Variants in WDFY4 observed in about 807,000 individuals in gnomAD.
WDFY4 encodes the protein WD repeat- and FYVE domain-containing protein 4.
A neutral mutation model predicts 351.9 loss-of-function variants in WDFY4; 169 were observed. That is an observed-to-expected ratio of 0.48 (90% CI 0.42 to 0.55). WDFY4 has a LOEUF of 0.55. Among genes scored for constraint, WDFY4 ranks in the 20% least tolerant of loss-of-function variants. The pLI is 0.00. For missense variants in WDFY4, 3,803 were observed against 3,935.6 expected, an observed-to-expected ratio of 0.97 and a Z score of 0.90; for synonymous variants, 1,622 against 1,574.6, an observed-to-expected ratio of 1.03 and a Z score of -0.71.
intron 20 of WDFY4, among the ~76,000 whole-genome samples, chr10:48,787,888 CTTCTCCTTCTTCTTCTTCTTCT>C (rs1565198315): frequency 1.4e-5 from 1 of 73,572 alleles, no homozygotes; most frequent in Non-Finnish European, 2.3e-5. Flanking sequence ...CTTTCTTCTT[CTTCTCCTTCTTCTTCTTCTTCT>C]TCTTCTTCTT....
intron 39 of WDFY4, among the ~76,000 whole-genome samples, chr10:48,842,491 C>T (rs1048927906): frequency 1.2e-4 from 19 of 152,230 alleles, no homozygotes; most frequent in Non-Finnish European, 1.9e-4. Context: ...CAGAGGAGGA[C>T]GCCTTGTTCT....
At chr10:48,939,772 G>A (rs1325198838) in intron 47 of WDFY4, among the ~76,000 whole-genome samples, 1 of 152,188 alleles carries the variant, frequency 6.6e-6, no homozygotes, top group East Asian at 1.9e-4. Context: ...TGGAACTGCT[G>A]GTAATGGCGT....
intron 13 of WDFY4, among the ~76,000 whole-genome samples, chr10:48,761,885 G>A (rs1053350742): frequency 3.3e-5 from 5 of 152,214 alleles, no homozygotes; most frequent in African/African-American, 4.8e-5. Flanking sequence ...TTTGTCGAGG[G>A]CATCAATGCC....
At chr10:48,785,279 G>A in intron 19 of WDFY4, among the ~76,000 whole-genome samples, 1 of 151,982 alleles carries the variant, frequency 6.6e-6, no homozygotes, top group East Asian at 1.9e-4. Context: ...TGTGATTTGC[G>A]ATAATTCCTC....
At chr10:48,794,082 G>A (rs965547562) in intron 23 of WDFY4, among the ~76,000 whole-genome samples, 6 of 152,160 alleles carry the variant, frequency 3.9e-5, no homozygotes, top group Non-Finnish European at 2.9e-5. Context: ...ATGGCATACC[G>A]AATGGAGGGT....
chr10:48,949,946 T>G lies in WDFY4; in HGVS notation c.7977+2977T>G, dbSNP rs1022012545. ...AGGCCTTTCCGTAACAGCTCCAATC[T>G]CTGATTGCTCATTAAGCACCTACTA... On this transcript the variant is annotated intron_variant, in intron 51 of 61. Coordinates refer to ENST00000325239, the MANE Select transcript of WDFY4 (RefSeq NM_001394531.1). 3.9e-5 allele frequency among the ~76,000 whole-genome samples: 6 copies of G among 152,222 alleles called. No homozygotes were observed. The South Asian group carries it at 1.2e-3, about 32-fold the overall frequency.
At chr10:48,764,472 A>G (rs573971556) in intron 13 of WDFY4, among the ~76,000 whole-genome samples, 45 of 152,350 alleles carry the variant, frequency 3.0e-4, no homozygotes, top group African/African-American at 1.1e-3. Flanking sequence ...GGGAATAAAG[A>G]TACTTTCCCT....
Position 48,976,781 on chromosome 10 carries a change from A to G in WDFY4, c.9109-16A>G. On this transcript the variant is annotated splice_polypyrimidine_tract_variant and intron_variant, in intron 58 of 61. Coordinates refer to ENST00000325239, the MANE Select transcript of WDFY4 (RefSeq NM_001394531.1). ...AGTGACTCCAGCTTAGAGTGATGCC[A>G]GCTCTCACTGCACAGGGCACCATTG... 7.3e-7 allele frequency: 1 copy of G among 1,372,464 alleles called. No individual in the cohort carries two copies. Among genetic ancestry groups the G allele is most frequent in the Non-Finnish European group, 9.5e-7 (1 of 1,049,972 alleles). 85.0% of individuals were successfully genotyped at this position (1,372,464 alleles called of 1,614,324 possible).
intron 47 of WDFY4, chr10:48,914,301 G>A (rs79638149): frequency 1.5e-5 from 13 of 849,902 alleles, no homozygotes; most frequent in African/African-American, 3.4e-5. Context: ...ACGTCATGAC[G>A]CTTTGCTCTT....
At chr10:48,857,948 T>G (rs532815029) in intron 39 of WDFY4, among the ~76,000 whole-genome samples, 4 of 151,936 alleles carry the variant, frequency 2.6e-5, no homozygotes, top group Non-Finnish European at 4.4e-5. Context: ...CCTGCCACCA[T>G]GCCTGGCTAA....
At chr10:48,963,709 G>A (rs1408732101) in intron 53 of WDFY4, 133 bp from the exon 54 acceptor site, 3 of 1,031,438 alleles carry the variant, frequency 2.9e-6, no homozygotes, top group South Asian at 1.6e-5. Context: ...TGCTCATCAA[G>A]CCCAGGGGCT....
In WDFY4 at chr10:48,893,104, T is replaced by C. The variant is rs190571098; in HGVS notation, c.7316+2377T>C. Among the ~76,000 whole-genome samples the C allele has an allele frequency of 8.1e-4, 123 of 152,376 alleles. 1 individual carries two copies. Among genetic ancestry groups the C allele is most frequent in the Admixed American group, 7.1e-3 (108 of 15,308 alleles). The stretch of plus-strand genomic sequence containing the variant: ...AGGGAAGCCTCCTTCCTTGCTTCTT[T>C]AAGCTTCTTGTGTTTGCAGACAATC... On this transcript the variant is annotated intron_variant, in intron 44 of 61. Transcript: ENST00000325239.
At chr10:48,713,672 C>G (rs893675487) in intron 2 of WDFY4, among the ~76,000 whole-genome samples, 3 of 152,224 alleles carry the variant, frequency 2.0e-5, no homozygotes, top group African/African-American at 7.2e-5. Context: ...TCATCCAGAA[C>G]AGCAGGCTCC....
intron 43 of WDFY4, among the ~76,000 whole-genome samples, chr10:48,887,502 G>C (rs564737305): frequency 6.6e-6 from 1 of 152,216 alleles, no homozygotes; most frequent in Admixed American, 6.5e-5. Context: ...CTTCAGGCCA[G>C]GCGCGGTGGC....
Position 48,810,687 on chromosome 10 carries a change from G to A in WDFY4, c.4996G>A (p.Ala1666Thr), listed in dbSNP as rs1489297469. 1.8e-5 allele frequency: 28 copies of A among 1,551,020 alleles called. No homozygotes were observed. The highest frequency in any genetic ancestry group is 2.4e-5 in the Non-Finnish European group (28 of 1,146,774). The change falls in exon 29 of 62, where the codon GCA (alanine) becomes ACA (threonine). Residue 1666 changes from alanine to threonine, a missense_variant. By Grantham distance (58) the Ala-to-Thr change is moderately conservative. Around this residue, in one of 3 missense-constraint regions of WDFY4, gnomAD observed 3,054 missense variants for 3,148.6 expected, o/e 0.97. Transcript: ENST00000325239. ...CACACGGTTTAGAGATGGCCTGTGTGCAGGATCCTGGGTGGAACGCAGCAC... is the reference window on the plus strand; with the variant it reads ...CACACGGTTTAGAGATGGCCTGTGTACAGGATCCTGGGTGGAACGCAGCAC... Reference protein sequence around the residue: ...LRTRFRDGLCAGSWVERSTEG... With the variant: ...LRTRFRDGLCTGSWVERSTEG...
intron 47 of WDFY4, among the ~76,000 whole-genome samples, chr10:48,919,048 C>T (rs151263420): frequency 2.6e-5 from 4 of 152,188 alleles, no homozygotes; most frequent in African/African-American, 9.6e-5. Flanking sequence ...ATGGAATATC[C>T]ACTAACACAG....
intron 39 of WDFY4, among the ~76,000 whole-genome samples, chr10:48,852,374 G>A (rs1376922154): frequency 6.6e-6 from 1 of 152,200 alleles, no homozygotes; most frequent in Non-Finnish European, 1.5e-5. Context: ...AATTTGTCAG[G>A]AGGATAAATT....
chr10:48,727,746 G>A, intron 7 of WDFY4, 87 bp downstream of exon 7: 2 of 1,464,292 alleles, frequency 1.4e-6, no homozygotes, highest in South Asian at 1.3e-5. Flanking sequence ...CAGAAAAATA[G>A]ATATAGCTCC....
At position 48,816,591 on chromosome 10, in the gene WDFY4, A is replaced by T. The variant is rs116033145; in HGVS notation, c.5341-654A>T. Among the ~76,000 whole-genome samples, 800 of 152,320 alleles carry T rather than the reference A, an allele frequency of 5.3e-3. 4 individuals are homozygous for T. Among genetic ancestry groups the T allele is most frequent in the African/African-American group, 0.019 (775 of 41,578 alleles). On this transcript the variant is annotated intron_variant, in intron 31 of 61. Coordinates refer to ENST00000325239, the MANE Select transcript of WDFY4 (RefSeq NM_001394531.1). ...AATTAATTTAGGGGTACCTGAAAAG[A>T]TGTATATTTTCTGTATGGAGCATAA...
Sources: gnomAD v4.1 joint callset for allele counts (sites outside exome capture counted in the v4.1 genomes callset) on GRCh38, gnomAD v4.1.1 for gene constraint, gnomAD v4.1.1 regional missense constraint, MANE v1.5 for transcripts, NCBI Gene and HGNC (gene_info 2026-07-23, HGNC 2026-07-21) for gene names.